FYTTD1: variants seen among roughly 807,000 people sequenced by gnomAD.
The protein encoded by FYTTD1 is forty-two-three domain containing 1, also known as UAP56-interacting factor.
In FYTTD1, 22 loss-of-function variants were observed where a neutral mutation model predicts 40.9. The observed-to-expected ratio is 0.54, with a 90% confidence interval of 0.38 to 0.77. The LOEUF (loss-of-function observed/expected upper bound fraction) is 0.77, where lower values mean the gene tolerates loss of function less well. Ranked by LOEUF, FYTTD1 falls within the 30% of genes least tolerant of loss-of-function variation. The pLI is 0.00. For synonymous variants in FYTTD1, 140 were observed against 137.9 expected (o/e 1.01, Z -0.10); for missense variants, 351 against 392.2 (o/e 0.90, Z 0.89).
intron 6 of FYTTD1, among the ~76,000 whole-genome samples, chr3:197,776,384 G>GTTTT (rs869308035): frequency 7.5e-6 from 1 of 133,388 alleles, no homozygotes; most frequent in African/African-American, 3.1e-5. Flanking sequence ...GCTTAAATTT[G>GTTTT]TTTTTTTTTT....
intron 8 of FYTTD1, among the ~76,000 whole-genome samples, chr3:197,779,082 C>T (rs185367179): frequency 2.6e-5 from 4 of 152,254 alleles, no homozygotes; most frequent in Non-Finnish European, 1.5e-5. Context: ...TCGACTATAG[C>T]CATCTAGCAA....
chr3:197,749,776 A>C (rs796592343), upstream of FYTTD1: 5 of 557,174 alleles, frequency 9.0e-6, no homozygotes, highest in African/African-American at 7.7e-5. Flanking sequence ...GCTAGGAGCG[A>C]GTCACGGCGC....
chr3:197,750,809 C>T (rs1729004599), intron 1 of FYTTD1: 1 of 985,310 alleles, frequency 1.0e-6, no homozygotes, highest in Non-Finnish European at 1.2e-6. Context: ...TGCTGTGGCT[C>T]GCTGAGAAGC....
At chr3:197,752,857 G>A (rs1423890098) in intron 1 of FYTTD1, among the ~76,000 whole-genome samples, 1 of 152,184 alleles carries the variant, frequency 6.6e-6, no homozygotes, top group Non-Finnish European at 1.5e-5. Flanking sequence ...AGTCATACAA[G>A]GTAGTTAAGT....
chr3:197,764,494 G>A (rs1301831533), intron 2 of FYTTD1, among the ~76,000 whole-genome samples: 1 of 152,124 alleles, frequency 6.6e-6, no homozygotes, highest in Non-Finnish European at 1.5e-5. Context: ...CAGATTACGA[G>A]GTCAGGAGTT....
intron 7 of FYTTD1, 96 bp from the exon 8 acceptor site, chr3:197,778,242 C>A: frequency 2.2e-6 from 2 of 902,674 alleles, no homozygotes; most frequent in East Asian, 2.8e-5. Context: ...GGCCCTAATA[C>A]ATTTGAACAT....
intron 8 of FYTTD1, among the ~76,000 whole-genome samples, chr3:197,779,024 G>A (rs575531294): frequency 6.6e-6 from 1 of 152,138 alleles, no homozygotes; most frequent in Non-Finnish European, 1.5e-5. Flanking sequence ...ATCTATGAGG[G>A]TTCTGAATTT....
intron 2 of FYTTD1, among the ~76,000 whole-genome samples, chr3:197,759,033 G>T (rs1729288532): frequency 6.6e-6 from 1 of 152,162 alleles, no homozygotes; most frequent in Non-Finnish European, 1.5e-5. Flanking sequence ...GTGGTAGAAT[G>T]TATAGAGTTG....
At chr3:197,779,712 A>C (rs9870944) in intron 8 of FYTTD1, among the ~76,000 whole-genome samples, 7,693 of 149,314 alleles carry the variant, frequency 0.052, 566 homozygotes, top group African/African-American at 0.17. Context: ...TCAGGCACAC[A>C]CACCACCACA....
intron 6 of FYTTD1, 28 bp from the exon 7 acceptor site, chr3:197,776,899 G>T: frequency 6.8e-7 from 1 of 1,472,444 alleles, no homozygotes; most frequent in South Asian, 1.2e-5. Flanking sequence ...TACATTTAAT[G>T]AATTTTTTTT....
intron 2 of FYTTD1, among the ~76,000 whole-genome samples, chr3:197,762,712 C>T (rs1318685793): frequency 6.6e-6 from 1 of 151,584 alleles, no homozygotes; most frequent in Admixed American, 6.6e-5. Context: ...GAAACCCTGT[C>T]TCTACTAAAA....
intron 2 of FYTTD1, among the ~76,000 whole-genome samples, chr3:197,761,139 A>T (rs1049207232): frequency 3.3e-5 from 5 of 151,166 alleles, no homozygotes; most frequent in Non-Finnish European, 5.9e-5. Flanking sequence ...GGTAGAATGT[A>T]TAGAGTTGTT....
chr3:197,775,625 C>T (rs1729854401), intron 6 of FYTTD1, among the ~76,000 whole-genome samples: 1 of 152,176 alleles, frequency 6.6e-6, no homozygotes, highest in Admixed American at 6.5e-5. Flanking sequence ...GGACGTAGAA[C>T]CTGTGGATAC....
At chr3:197,764,953 G>A (rs1172039794) in intron 2 of FYTTD1, among the ~76,000 whole-genome samples, 7 of 151,094 alleles carry the variant, frequency 4.6e-5, no homozygotes, top group Admixed American at 3.3e-4. Flanking sequence ...CAGGTCAAGC[G>A]ATTCTCATGC....
At chr3:197,777,172 C>T (rs958909048) in intron 7 of FYTTD1, among the ~76,000 whole-genome samples, 171 bp downstream of exon 7, 4 of 152,156 alleles carry the variant, frequency 2.6e-5, no homozygotes, top group Admixed American at 2.6e-4. Flanking sequence ...AAAGTAAGAG[C>T]TTTCTTGATT....
At chr3:197,781,074 G>A (rs899321208) in intron 8 of FYTTD1, among the ~76,000 whole-genome samples, 22 of 151,776 alleles carry the variant, frequency 1.4e-4, no homozygotes, top group Non-Finnish European at 2.8e-4. Context: ...AGCACTTTGG[G>A]AGGCCGACAC....
At chr3:197,772,324 G>A (rs1193888270) in intron 4 of FYTTD1, among the ~76,000 whole-genome samples, 1 of 152,180 alleles carries the variant, frequency 6.6e-6, no homozygotes, top group Non-Finnish European at 1.5e-5. Flanking sequence ...CGTTTATATA[G>A]TGTTTCATAT....
chr3:197,770,278 C>T, intron 4 of FYTTD1, 34 bp downstream of exon 4: 1 of 1,256,670 alleles, frequency 8.0e-7, no homozygotes, highest in Non-Finnish European at 1.1e-6. Flanking sequence ...TGTTATTTTG[C>T]ATTAAAAACA....
At chr3:197,762,464 C>A (rs1268592009) in intron 2 of FYTTD1, among the ~76,000 whole-genome samples, 1 of 152,124 alleles carries the variant, frequency 6.6e-6, no homozygotes, top group East Asian at 1.9e-4. Context: ...TGGCGGGCAC[C>A]TGTAGTCCCA....
Sources: allele counts gnomAD v4.1 joint callset (sites outside exome capture counted in the v4.1 genomes callset), GRCh38; gene constraint gnomAD v4.1.1; transcripts MANE v1.5; gene names NCBI Gene and HGNC (gene_info 2026-07-23, HGNC 2026-07-21).